Variants in ZNF451 observed in about 807,000 individuals in gnomAD.
ZNF451 encodes the protein zinc finger protein 451.
ZNF451 carries 80 observed loss-of-function variants against 107.1 expected under a neutral mutation model. That is an observed-to-expected ratio of 0.75 (90% CI 0.62 to 0.90). The LOEUF is 0.90. Among genes scored for constraint, ZNF451 ranks in the 40% least tolerant of loss-of-function variants. ZNF451 has a pLI of 0.00. For synonymous variants in ZNF451, 362 were observed against 406.5 expected (o/e 0.89, Z 1.32); for missense variants, 1,107 against 1,236.2 (o/e 0.90, Z 1.57).
At chr6:57,126,914 T>A in intron 4 of ZNF451, among the ~76,000 whole-genome samples, 1 of 152,338 alleles carries the variant, frequency 6.6e-6, no homozygotes, top group Non-Finnish European at 1.5e-5. Context: ...GATGTTTAAT[T>A]TTAATTATTG....
chr6:57,122,142 C>T (rs1221625831), intron 3 of ZNF451, among the ~76,000 whole-genome samples: 1 of 152,144 alleles, frequency 6.6e-6, no homozygotes, highest in Non-Finnish European at 1.5e-5. Flanking sequence ...AGAAAGGATA[C>T]TCTATTCAAT....
chr6:57,137,852 A>G (rs896218002), intron 7 of ZNF451, among the ~76,000 whole-genome samples: 2 of 152,234 alleles, frequency 1.3e-5, no homozygotes, highest in South Asian at 2.1e-4. Context: ...ATCACACAAT[A>G]TACAGCCTTT....
At chr6:57,107,494 T>G (rs979563596) in intron 3 of ZNF451, 32 of 985,050 alleles carry the variant, frequency 3.2e-5, no homozygotes, top group Non-Finnish European at 3.7e-5. Context: ...GGTAGTAGTA[T>G]TTTCTCATTT....
intron 9 of ZNF451, among the ~76,000 whole-genome samples, chr6:57,143,217 A>C (rs1831867370): frequency 6.6e-6 from 1 of 152,036 alleles, no homozygotes; most frequent in African/African-American, 2.4e-5. Context: ...TTAGGTGTAT[A>C]ATTTGTTGAT....
At chr6:57,138,294 G>A (rs1176135956) in intron 7 of ZNF451, among the ~76,000 whole-genome samples, 5 of 149,572 alleles carry the variant, frequency 3.3e-5, no homozygotes, top group African/African-American at 1.2e-4. Context: ...ACGGAGCCTC[G>A]CTGTCTTGTG....
intron 3 of ZNF451, chr6:57,109,522 T>C (rs1423683386): frequency 1.9e-5 from 19 of 985,332 alleles, no homozygotes; most frequent in Non-Finnish European, 2.3e-5. Context: ...TTTGAAGTAA[T>C]TGTGCTGTTT....
chr6:57,129,864 C>T (rs1314695954), intron 5 of ZNF451, among the ~76,000 whole-genome samples: 1 of 152,052 alleles, frequency 6.6e-6, no homozygotes, highest in African/African-American at 2.4e-5. Flanking sequence ...ACAAATAATA[C>T]AGTATTAGGG....
chr6:57,153,751 GA>G (rs1763262209), intron 12 of ZNF451, 109 bp from the exon 13 acceptor site: 1 of 1,115,264 alleles, frequency 9.0e-7, no homozygotes, highest in African/African-American at 1.6e-5. Context: ...AGGGACTAGG[GA>G]ACAAGCTTAA....
rs1189641234 is a variant in ZNF451 at position 57,098,116 on chromosome 6, C to T, written c.106-945C>T. Among the ~76,000 whole-genome samples the T allele has an allele frequency of 4.0e-5, 6 of 150,790 alleles. No individual in the cohort carries two copies. The East Asian group carries it at 8.0e-4, about 20-fold the overall frequency. On this transcript the variant is annotated intron_variant, in intron 2 of 14. Transcript: ENST00000370706. ...TCCTGAGTAGCTGGGACTACAGGCA[C>T]GCACCACCATGCCTGGCTAATTTGT...
chr6:57,131,027 G>A (rs1831155034), intron 5 of ZNF451, among the ~76,000 whole-genome samples: 1 of 152,108 alleles, frequency 6.6e-6, no homozygotes, highest in Non-Finnish European at 1.5e-5. Flanking sequence ...TCCTTTAAGA[G>A]CATATAGCTG....
chr6:57,121,791 A>G (rs539619974), intron 3 of ZNF451, among the ~76,000 whole-genome samples: 1 of 152,350 alleles, frequency 6.6e-6, no homozygotes, highest in African/African-American at 2.4e-5. Flanking sequence ...TATCATTAAA[A>G]TGGCCATTCT....
chr6:57,124,715 A>T lies in ZNF451; in HGVS notation c.187-19A>T, dbSNP rs1261488154. On this transcript the variant is annotated intron_variant, in intron 3 of 14. Coordinates refer to ENST00000370706, the MANE Select transcript of ZNF451 (RefSeq NM_001031623.3). ...TGCTAATTTTGTTAAAAGGAATGAAAATTTTTTTCATGTTATAGGAGAATA... is the reference window on the plus strand; with the variant it reads ...TGCTAATTTTGTTAAAAGGAATGAATATTTTTTTCATGTTATAGGAGAATA... 6.5e-7 allele frequency: 1 copy of T among 1,531,490 alleles called. No individual in the cohort carries two copies. Among genetic ancestry groups the T allele is most frequent in the African/African-American group, 1.4e-5 (1 of 72,748 alleles). The allele number at this position is 1,531,490 out of a possible 1,614,324, so 94.9% of individuals were successfully genotyped here.
intron 2 of ZNF451, among the ~76,000 whole-genome samples, chr6:57,092,300 T>C (rs1829086784): frequency 6.6e-6 from 1 of 152,212 alleles, no homozygotes; most frequent in African/African-American, 2.4e-5. Flanking sequence ...TAATGTAGGC[T>C]TGAGTTCACC....
chr6:57,165,866 T>TA (rs1242656679), intron 14 of ZNF451: 1 of 152,110 alleles, frequency 6.6e-6, no homozygotes, highest in Non-Finnish European at 1.5e-5. Flanking sequence ...TAAAAATACA[T>TA]AAAAAATGGT....
chr6:57,091,686 C>G (rs1246929858), intron 2 of ZNF451, among the ~76,000 whole-genome samples: 10 of 152,164 alleles, frequency 6.6e-5, no homozygotes, highest in Non-Finnish European at 1.5e-4. Context: ...AAAGTGGTAT[C>G]TCAGCTCGCC....
chr6:57,168,163 T>C (rs910051754), intron 14 of ZNF451, among the ~76,000 whole-genome samples: 44 of 152,208 alleles, frequency 2.9e-4, no homozygotes, highest in African/African-American at 1.1e-3. Flanking sequence ...TTTAAAAGTT[T>C]GTTGACTTTC....
At position 57,099,121 on chromosome 6, in the gene ZNF451, C is replaced by A; in HGVS notation, c.166C>A (p.Pro56Thr). The A allele has an allele frequency of 6.2e-7, 1 of 1,612,062 alleles. No homozygotes were observed. The highest frequency in any genetic ancestry group is 8.5e-7 in the Non-Finnish European group (1 of 1,178,252). The change falls in exon 3 of 15, where the codon CCT (proline) becomes ACT (threonine). Residue 56 changes from proline (P) to threonine (T), a missense_variant. This residue lies in a region of ZNF451 where 339 missense variants were observed against 372.8 expected (regional missense o/e 0.91). Transcript: ENST00000370706. Reference protein sequence around the residue: ...IDLVSSDDEEPSTSYTDENIK... With the variant: ...IDLVSSDDEETSTSYTDENIK... ...TCTGGTCAGCAGTGATGATGAAGAG[C>A]CTAGCACCTCTTATACTGATGTAAG...
intron 3 of ZNF451, among the ~76,000 whole-genome samples, chr6:57,113,069 G>T (rs1329422896): frequency 1.3e-5 from 2 of 152,012 alleles, no homozygotes; most frequent in Admixed American, 6.6e-5. Context: ...GTATCACGGG[G>T]GTTTGGGGTA....
intron 3 of ZNF451, among the ~76,000 whole-genome samples, chr6:57,117,461 C>CA (rs540035839): frequency 2.6e-4 from 39 of 152,000 alleles, no homozygotes; most frequent in Non-Finnish European, 5.0e-4. Context: ...TTAAGGCCTC[C>CA]AAGATGGTAG....
Sources: gnomAD v4.1 joint callset for allele counts (sites outside exome capture counted in the v4.1 genomes callset) on GRCh38, gnomAD v4.1.1 for gene constraint, gnomAD v4.1.1 regional missense constraint, MANE v1.5 for transcripts, NCBI Gene and HGNC (gene_info 2026-07-23, HGNC 2026-07-21) for gene names.